TRMT9B: variants seen among roughly 807,000 people sequenced by gnomAD.
TRMT9B encodes tRNA methyltransferase 9B (putative).
In TRMT9B, 16 loss-of-function variants were observed where a neutral mutation model predicts 11.5. The ratio of observed to expected loss-of-function variants is 1.39; its 90% CI spans 0.94 to 2.11. The LOEUF (loss-of-function observed/expected upper bound fraction) is 2.11. TRMT9B is among the 30% of genes most tolerant of loss of function. TRMT9B has a pLI of 0.00. For synonymous variants in TRMT9B, 274 were observed against 192.4 expected (o/e 1.42, Z -3.51); for missense variants, 941 against 553.8 (o/e 1.70, Z -7.02).
At position 13,021,207 on chromosome 8, in the gene TRMT9B, G is replaced by A; in HGVS notation, c.528G>A (p.Gly176=). 1.2e-6 allele frequency: 2 copies of A among 1,613,876 alleles called. No individual in the cohort carries two copies. Among genetic ancestry groups the A allele is most frequent in the Non-Finnish European group, 1.7e-6 (2 of 1,179,806 alleles). ...TCTTCTCAGAGTCCAGCCAGTCTGG[G>A]AGGAAGAGGCAGTGTGGATACCCAG... is the stretch of plus-strand genomic sequence containing the variant. ...SQLFSESSQS[G]RKRQCGYPER... The change falls in exon 5 of 5, where the codon GGG becomes GGA. Residue 176 remains glycine, a synonymous_variant. Transcript: ENST00000524591.
chr8:13,014,606 C>T (rs754376114), intron 4 of TRMT9B, among the ~76,000 whole-genome samples: 8 of 152,188 alleles, frequency 5.3e-5, no homozygotes, highest in Non-Finnish European at 7.3e-5. Context: ...TACCTTCATA[C>T]TGGGGGTTAG....
rs768114369 is a variant in TRMT9B, at chr8:13,021,638, A to T, written c.959A>T (p.His320Leu). ...EVFVESSSGK[H>L]LEWLRAPGTL... ...TTTGTGGAATCTTCTTCTGGAAAAC[A>T]CTTGGAGTGGCTGAGAGCACCAGGC... The change falls in exon 5 of 5, where the codon CAC (histidine) becomes CTC (leucine). Residue 320 changes from histidine (H) to leucine (L), a missense_variant. Physicochemically the swap from His to Leu is moderately conservative, Grantham distance 99. Transcript: ENST00000524591. The T allele has an allele frequency of 1.6e-5, 26 of 1,613,778 alleles. No individual in the cohort carries two copies. Among genetic ancestry groups the T allele is most frequent in the Middle Eastern group, 1.6e-4 (1 of 6,084 alleles).
intron 4 of TRMT9B, among the ~76,000 whole-genome samples, chr8:13,015,643 C>T (rs964848911): frequency 6.6e-6 from 1 of 152,148 alleles, no homozygotes; most frequent in African/African-American, 2.4e-5. Context: ...CATGAACTAC[C>T]ACGCCCAGGC....
intron 1 of TRMT9B, among the ~76,000 whole-genome samples, chr8:12,973,244 A>T (rs1803905773): frequency 6.6e-6 from 1 of 152,104 alleles, no homozygotes; most frequent in Non-Finnish European, 1.5e-5. Context: ...CACTGGGGAG[A>T]AGACGTATTT....
chr8:13,023,661 A>G lies in TRMT9B; in HGVS notation c.*1617A>G, dbSNP rs1406207071. 2 of 167,134 alleles carry G rather than the reference A, an allele frequency of 1.2e-5. No homozygotes were observed. The highest frequency in any genetic ancestry group is 1.5e-5 in the Non-Finnish European group (1 of 68,126). The allele number at this position is 167,134 out of a possible 1,614,324, so 10.4% of individuals were successfully genotyped here. A position where few individuals can be genotyped will look rare whatever the true frequency, so the allele number is the denominator to read the frequency against. ...TTAATGAGAAAATTGACATCTGACA[A>G]GAGTCTTTTTACTTTATGCTGGATG... On this transcript the variant is annotated 3_prime_UTR_variant, in exon 5 of 5. Coordinates refer to ENST00000524591, the MANE Select transcript of TRMT9B (RefSeq NM_020844.3).
chr8:12,947,573 A>C (rs925208998), intron 1 of TRMT9B, among the ~76,000 whole-genome samples: 1 of 152,242 alleles, frequency 6.6e-6, no homozygotes, highest in Admixed American at 6.5e-5. Context: ...CATGCAGCAC[A>C]TTTTGAGGCT....
At position 13,028,875 on chromosome 8, in the gene TRMT9B, A is replaced by G. The variant is rs1585477793; in HGVS notation, c.*6831A>G. 1.2e-5 allele frequency: 2 copies of G among 167,002 alleles called. No individual in the cohort carries two copies. The highest frequency in any genetic ancestry group is 4.8e-5 in the African/African-American group (2 of 41,440). The allele number at this position is 167,002 out of a possible 1,614,324, so 10.3% of individuals were successfully genotyped here. Reference sequence around the variant, plus strand: ...CTATTAATGTACAAGGAGGGACTCCACTACTAAAGTTTGTTTTACTTCTCT... The same window carrying G: ...CTATTAATGTACAAGGAGGGACTCCGCTACTAAAGTTTGTTTTACTTCTCT... On this transcript the variant is annotated 3_prime_UTR_variant, in exon 5 of 5. Coordinates refer to ENST00000524591, the MANE Select transcript of TRMT9B (RefSeq NM_020844.3).
intron 1 of TRMT9B, among the ~76,000 whole-genome samples, chr8:12,976,514 C>T (rs369213301): frequency 2.2e-4 from 33 of 151,332 alleles, no homozygotes; most frequent in African/African-American, 7.3e-4. Context: ...CAGAAGCGGG[C>T]GGATCACTTG....
chr8:12,986,113 C>A (rs565922997), intron 1 of TRMT9B, among the ~76,000 whole-genome samples: 4 of 152,084 alleles, frequency 2.6e-5, no homozygotes, highest in Non-Finnish European at 5.9e-5. Context: ...CTGCCTATCC[C>A]GGCCTCCCAA....
At chr8:12,948,703 G>GGC (rs1800386219) in intron 1 of TRMT9B, among the ~76,000 whole-genome samples, 1 of 152,096 alleles carries the variant, frequency 6.6e-6, no homozygotes, top group East Asian at 1.9e-4. Flanking sequence ...GCTCATGCCT[G>GGC]TAATCCCAGC....
intron 2 of TRMT9B, among the ~76,000 whole-genome samples, chr8:13,003,907 AG>A (rs1809927294): frequency 6.6e-6 from 1 of 151,106 alleles, no homozygotes; most frequent in Admixed American, 6.6e-5. Flanking sequence ...GAAGAGGGTG[AG>A]CAAGACAGTC....
At chr8:12,965,926 C>T (rs549346672) in intron 1 of TRMT9B, among the ~76,000 whole-genome samples, 11 of 151,542 alleles carry the variant, frequency 7.3e-5, no homozygotes, top group Admixed American at 3.3e-4. Flanking sequence ...GGCAGGAGAA[C>T]CACTTGAACC....
At position 13,006,344 on chromosome 8, in the gene TRMT9B, ATCGCTGACATAGGTAACCAGGCAG is replaced by A. The variant is rs769860308; in HGVS notation, c.143_154+12del. 2 of 1,599,772 alleles carry A rather than the reference ATCGCTGACATAGGTAACCAGGCAG, an allele frequency of 1.3e-6. No homozygotes were observed. The highest frequency in any genetic ancestry group is 2.8e-5 in the African/African-American group (2 of 71,980). On this transcript the variant is annotated splice_donor_variant and splice_donor_5th_base_variant and coding_sequence_variant and intron_variant, in exon 3 of 5. Transcript: ENST00000524591. LOFTEE classifies it high-confidence loss of function. ...GCAAGAGCAGAAGCCAGGCAGCCTC[ATCGCTGACATAGGTAACCAGGCAG>A]CCTCATCGCTGACATAGGTAACCAG...
intron 1 of TRMT9B, among the ~76,000 whole-genome samples, chr8:12,979,748 T>C (rs926525368): frequency 1.3e-5 from 2 of 152,206 alleles, no homozygotes; most frequent in Admixed American, 6.5e-5. Context: ...TATCTTGGAA[T>C]GGCCGGAACA....
chr8:13,022,468 G>C lies in TRMT9B; in HGVS notation c.*424G>C, dbSNP rs1814118845. 1 of 171,830 alleles carries C rather than the reference G, an allele frequency of 5.8e-6. No individual in the cohort carries two copies. Among genetic ancestry groups the C allele is most frequent in the African/African-American group, 2.4e-5 (1 of 41,554 alleles). The allele number at this position is 171,830 out of a possible 1,614,324, so 10.6% of individuals were successfully genotyped here. On this transcript the variant is annotated 3_prime_UTR_variant, in exon 5 of 5. Transcript: ENST00000524591. ...GGTTCTCAGGTTATAACTGAGAGCAGTGTGCAAGATAATAGGTAAATTTGA... is the reference window on the plus strand; with the variant it reads ...GGTTCTCAGGTTATAACTGAGAGCACTGTGCAAGATAATAGGTAAATTTGA...
In TRMT9B at chr8:13,027,677, A is replaced by G. The variant is rs1288268024; in HGVS notation, c.*5633A>G. On this transcript the variant is annotated 3_prime_UTR_variant, in exon 5 of 5. Transcript: ENST00000524591. Reference sequence around the variant, plus strand: ...CCCTAGATATATACTTGGATTTCAAATGCCATAATTGTAATCTTTCTCCAA... The same window carrying G: ...CCCTAGATATATACTTGGATTTCAAGTGCCATAATTGTAATCTTTCTCCAA... The G allele has an allele frequency of 6.0e-6, 1 of 167,086 alleles. No homozygotes were observed. The highest frequency in any genetic ancestry group is 6.5e-5 in the Admixed American group (1 of 15,278). 10.4% of individuals were successfully genotyped at this position (167,086 alleles called of 1,614,324 possible). A position where few individuals can be genotyped will look rare whatever the true frequency, so the allele number is the denominator to read the frequency against.
intron 4 of TRMT9B, 143 bp downstream of exon 4, chr8:13,013,000 C>A: frequency 9.1e-7 from 1 of 1,096,390 alleles, no homozygotes; most frequent in Non-Finnish European, 1.2e-6. Context: ...GTTTCAACTA[C>A]TTGACTGATT....
chr8:12,975,936 C>G (rs917543131), intron 1 of TRMT9B, among the ~76,000 whole-genome samples: 2 of 152,040 alleles, frequency 1.3e-5, no homozygotes, highest in Non-Finnish European at 2.9e-5. Context: ...CAAGCATCAA[C>G]AAATGAATAC....
intron 1 of TRMT9B, among the ~76,000 whole-genome samples, chr8:12,987,546 A>T (rs1279656186): frequency 6.6e-6 from 1 of 151,984 alleles, no homozygotes; most frequent in Admixed American, 6.6e-5. Context: ...CAAAATTAGC[A>T]GGATATGGTG....
Sources: allele counts gnomAD v4.1 joint callset (sites outside exome capture counted in the v4.1 genomes callset), GRCh38; gene constraint gnomAD v4.1.1; transcripts MANE v1.5; gene names NCBI Gene and HGNC (gene_info 2026-07-23, HGNC 2026-07-21).